The following SYNE3 variants were observed in gnomAD, a reference collection of about 807,000 sequenced individuals.
The protein encoded by SYNE3 is nesprin-3.
In SYNE3, 100 loss-of-function variants were observed where a neutral mutation model predicts 111.2. The ratio of observed to expected loss-of-function variants is 0.90; its 90% CI spans 0.77 to 1.06. The LOEUF (loss-of-function observed/expected upper bound fraction) is 1.06, where lower values mean the gene tolerates loss of function less well. Ranked by LOEUF, SYNE3 falls within the 50% of genes least tolerant of loss-of-function variation. The probability of loss-of-function intolerance (pLI) is 0.00; values close to 1 mark genes in which losing one functional copy is unlikely to be tolerated. For missense variants in SYNE3, 1,160 were observed against 1,240.3 expected (o/e 0.94, Z 0.97); for synonymous variants, 547 against 533.9 (o/e 1.02, Z -0.34).
chr14:95,443,272 C>T lies in SYNE3; in HGVS notation c.1794G>A (p.Gly598=). ...LSRLQGLQEE[G]LDLGAQMEAA... Reference sequence around the variant, plus strand: ...CCTCCATCTGTGCCCCCAAGTCCAGCCCCTCTTCCTGCAGCCCCTGCAGTA... The same window carrying T: ...CCTCCATCTGTGCCCCCAAGTCCAGTCCCTCTTCCTGCAGCCCCTGCAGTA... Residue 598 remains glycine (G), a synonymous_variant, in exon 11 of 18, where the codon GGG becomes GGA. Transcript: ENST00000682763. 1 of 1,614,198 alleles carries T rather than the reference C, an allele frequency of 6.2e-7. No individual in the cohort carries two copies.
At chr14:95,476,689 G>T (rs17829075) in intron 1 of SYNE3, among the ~76,000 whole-genome samples, 20,663 of 152,308 alleles carry the variant, frequency 0.14, 1,711 homozygotes, top group Non-Finnish European at 0.19. Context: ...CCATGTGACT[G>T]CTTTGAACTA....
chr14:95,497,842 TTCAAAAACTG>T (rs1890160686), intron 1 of SYNE3, among the ~76,000 whole-genome samples: 1 of 152,122 alleles, frequency 6.6e-6, no homozygotes. Context: ...GTGCAAATCA[TTCAAAAACTG>T]TCAAAAAAAG....
intron 1 of SYNE3, among the ~76,000 whole-genome samples, chr14:95,501,713 AGGGAAGGGCATG>A (rs1024535878): frequency 2.0e-5 from 3 of 152,158 alleles, no homozygotes; most frequent in African/African-American, 7.2e-5. Flanking sequence ...TGGCCACAGG[AGGGAAGGGCATG>A]GGGGGAAGCA....
chr14:95,500,046 G>A lies in SYNE3; in HGVS notation c.-15+16550C>T, dbSNP rs920844427. The stretch of plus-strand genomic sequence containing the variant: ...GACTAATTTTTTTATTTTTAGTAGA[G>A]ACGGAGTTTCACCATGTTGGTCAGG... On this transcript the variant is annotated intron_variant, in intron 1 of 17. Transcript: ENST00000682763. This position sits in a 1 kb window ranked among gnomAD's most constrained non-coding sequence, Gnocchi z 4.7. Among the ~76,000 whole-genome samples the A allele has an allele frequency of 1.3e-5, 2 of 151,900 alleles. No homozygotes were observed. The highest frequency in any genetic ancestry group is 4.8e-5 in the African/African-American group (2 of 41,330).
chr14:95,484,701 C>A (rs541129484), intron 1 of SYNE3, among the ~76,000 whole-genome samples: 1 of 152,228 alleles, frequency 6.6e-6, no homozygotes, highest in South Asian at 2.1e-4. Context: ...ATCAAAAGTG[C>A]TTTGTAAGGA....
At chr14:95,467,560 A>G (rs1325125658) in intron 3 of SYNE3, among the ~76,000 whole-genome samples, 1 of 152,226 alleles carries the variant, frequency 6.6e-6, no homozygotes, top group African/African-American at 2.4e-5. Flanking sequence ...CACACACGGT[A>G]AGTCTCTTAG....
intron 1 of SYNE3, among the ~76,000 whole-genome samples, chr14:95,509,866 A>C (rs185121584): frequency 3.0e-4 from 45 of 152,326 alleles, no homozygotes; most frequent in African/African-American, 8.4e-4. Flanking sequence ...TTACACCATG[A>C]ATATCAGTGA....
In SYNE3 at chr14:95,500,494, G is replaced by A. The variant is rs1447867209; in HGVS notation, c.-15+16102C>T. On this transcript the variant is annotated intron_variant, in intron 1 of 17. Coordinates refer to ENST00000682763, the MANE Select transcript of SYNE3 (RefSeq NM_152592.6). The surrounding 1 kb of genome is among the most constrained non-coding windows in gnomAD (Gnocchi z 4.7). ...GCGGCCGCCCACAGCCAGGCAGCAG[G>A]GAGAAGCTGCCCTCTGGGACTTTGC... Among the ~76,000 whole-genome samples, 1 of 152,202 alleles carries A rather than the reference G, an allele frequency of 6.6e-6. No individual in the cohort carries two copies. Among genetic ancestry groups the A allele is most frequent in the Non-Finnish European group, 1.5e-5 (1 of 68,028 alleles).
At chr14:95,434,362 C>T (rs1885967174) in intron 15 of SYNE3, among the ~76,000 whole-genome samples, 2 of 152,176 alleles carry the variant, frequency 1.3e-5, no homozygotes, top group Non-Finnish European at 2.9e-5. Flanking sequence ...AACATCTTTG[C>T]TTTTGGCAGC....
chr14:95,496,875 C>T (rs1178862623), intron 1 of SYNE3, among the ~76,000 whole-genome samples: 1 of 152,234 alleles, frequency 6.6e-6, no homozygotes. Flanking sequence ...AAGCAGCACT[C>T]CTGCCGGGCT....
chr14:95,419,059 A>G (rs1464297496), intron 17 of SYNE3, among the ~76,000 whole-genome samples: 1 of 152,202 alleles, frequency 6.6e-6, no homozygotes, highest in South Asian at 2.1e-4. Context: ...CTCTGCTACA[A>G]TGTCCCTGAA....
At chr14:95,479,318 C>A (rs1889088628) in intron 1 of SYNE3, among the ~76,000 whole-genome samples, 1 of 151,384 alleles carries the variant, frequency 6.6e-6, no homozygotes, top group African/African-American at 2.4e-5. Flanking sequence ...GATGGTACCA[C>A]TGCACCCTAG....
At chr14:95,419,448 T>C (rs1272674144) in intron 17 of SYNE3, among the ~76,000 whole-genome samples, 3 of 152,170 alleles carry the variant, frequency 2.0e-5, no homozygotes, top group Non-Finnish European at 2.9e-5. Context: ...TTAATACTTA[T>C]TTATAATAAT....
At chr14:95,460,041 G>A (rs1887693134) in intron 4 of SYNE3, among the ~76,000 whole-genome samples, 1 of 152,052 alleles carries the variant, frequency 6.6e-6, no homozygotes, top group African/African-American at 2.4e-5. Context: ...AGGCTGCAGT[G>A]AGCTGTGACT....
In SYNE3 at chr14:95,408,832, C is replaced by G. The variant is rs964448705; in HGVS notation, c.*8994G>C. ...CATGAGAGGAATTGGAACTGCTCAGCAGGCAGAGACCGCGCAAAGCCAACT... is the reference window on the plus strand; with the variant it reads ...CATGAGAGGAATTGGAACTGCTCAGGAGGCAGAGACCGCGCAAAGCCAACT... On this transcript the variant is annotated 3_prime_UTR_variant, in exon 18 of 18. Coordinates refer to ENST00000682763, the MANE Select transcript of SYNE3 (RefSeq NM_152592.6). 3.3e-6 allele frequency: 1 copy of G among 303,448 alleles called. No individual in the cohort carries two copies. Among genetic ancestry groups the G allele is most frequent in the South Asian group, 3.0e-5 (1 of 32,998 alleles). The allele number at this position is 303,448 out of a possible 1,614,324, so 18.8% of individuals were successfully genotyped here. A position where few individuals can be genotyped will look rare whatever the true frequency, so the allele number is the denominator to read the frequency against.
chr14:95,444,213 A>C (rs1886571079), intron 10 of SYNE3: 3 of 462,712 alleles, frequency 6.5e-6, no homozygotes, highest in Non-Finnish European at 1.1e-5. Flanking sequence ...CAATTCTAAA[A>C]ACAAATACCA....
chr14:95,452,850 C>T (rs1004943654), intron 6 of SYNE3, among the ~76,000 whole-genome samples: 1 of 152,208 alleles, frequency 6.6e-6, no homozygotes, highest in Non-Finnish European at 1.5e-5. Flanking sequence ...GACATCAGAG[C>T]AGGGCCTCTT....
intron 1 of SYNE3, among the ~76,000 whole-genome samples, chr14:95,483,375 G>A (rs1473331745): frequency 6.6e-6 from 1 of 152,086 alleles, no homozygotes; most frequent in Admixed American, 6.5e-5. Context: ...TGACTCACTC[G>A]GCTGTCCTGT....
chr14:95,478,586 C>A (rs571553087), intron 1 of SYNE3, among the ~76,000 whole-genome samples: 177 of 152,306 alleles, frequency 1.2e-3, no homozygotes, highest in Middle Eastern at 3.4e-3. Flanking sequence ...CCTCCCACAG[C>A]CATTGCACAG....
Sources: allele counts gnomAD v4.1 joint callset (sites outside exome capture counted in the v4.1 genomes callset), GRCh38; gene constraint gnomAD v4.1.1; non-coding constraint Gnocchi (gnomAD v3.1); transcripts MANE v1.5; gene names NCBI Gene and HGNC (gene_info 2026-07-23, HGNC 2026-07-21).